STX17: variants seen among roughly 807,000 people sequenced by gnomAD.
STX17 encodes syntaxin 17, also known as syntaxin-17.
In STX17, 29 loss-of-function variants were observed where a neutral mutation model predicts 35.9. The observed-to-expected ratio is 0.81, with a 90% confidence interval of 0.60 to 1.10. The LOEUF (loss-of-function observed/expected upper bound fraction) is 1.10. Among genes scored for constraint, STX17 ranks in the 50% least tolerant of loss-of-function variants. The pLI is 0.00. For synonymous variants in STX17, 92 were observed against 118.3 expected (o/e 0.78, Z 1.44); for missense variants, 312 against 352.3 (o/e 0.89, Z 0.92).
chr9:99,948,149 C>T (rs10217692), intron 3 of STX17, among the ~76,000 whole-genome samples: 104,632 of 151,860 alleles, frequency 0.69, 36,318 homozygotes, highest in African/African-American at 0.72. Flanking sequence ...TTGCCCTATC[C>T]AATGTAGTAG....
At chr9:99,959,456 C>CTT (rs35078503) in intron 4 of STX17, among the ~76,000 whole-genome samples, 1,541 of 111,006 alleles carry the variant, frequency 0.014, 28 homozygotes, top group South Asian at 0.034. Context: ...ATGGATAAAT[C>CTT]TTTTTTTTTT....
chr9:99,955,034 T>G (rs909494096), intron 4 of STX17, among the ~76,000 whole-genome samples: 2 of 152,066 alleles, frequency 1.3e-5, no homozygotes, highest in Non-Finnish European at 2.9e-5. Flanking sequence ...TTTTAGCATA[T>G]TGCTTTCCAC....
chr9:99,909,686 A>G (rs576134375), intron 1 of STX17, among the ~76,000 whole-genome samples: 2 of 152,350 alleles, frequency 1.3e-5, no homozygotes, highest in African/African-American at 4.8e-5. Context: ...AAAAATAGTG[A>G]TAGAGGATGA....
At chr9:99,938,002 GCA>G (rs752540720) in intron 3 of STX17, 7 of 152,228 alleles carry the variant, frequency 4.6e-5, no homozygotes, top group Non-Finnish European at 7.3e-5. Flanking sequence ...CTTTTTGAGT[GCA>G]CTACTCAATG....
At chr9:99,916,430 T>TATTC (rs551222708) in intron 2 of STX17, among the ~76,000 whole-genome samples, 170 of 80,734 alleles carry the variant, frequency 2.1e-3, no homozygotes, top group Middle Eastern at 8.8e-3. Context: ...TTTATTTATT[T>TATTC]ATTCATTCAT....
At chr9:99,916,390 CATTTATTT>C (rs146484577) in intron 2 of STX17, among the ~76,000 whole-genome samples, 5,150 of 141,752 alleles carry the variant, frequency 0.036, 128 homozygotes, top group South Asian at 0.045. Flanking sequence ...GCAGAACCTC[CATTTATTT>C]ATTTATTTAT....
At position 99,919,833 on chromosome 9, in the gene STX17, G is replaced by A. The variant is rs189390412; in HGVS notation, c.123+4471G>A. Among the ~76,000 whole-genome samples the A allele has an allele frequency of 1.4e-4, 22 of 152,164 alleles. No homozygotes were observed. The South Asian group carries it at 1.9e-3, about 13-fold the overall frequency. ...GCAGTCCAGTTAAGGAAATAAGATA[G>A]GAAATAGTCAAAAAATGATAAGAGG... On this transcript the variant is annotated intron_variant, in intron 2 of 7. Transcript: ENST00000259400.
Position 99,915,073 on chromosome 9 carries a change from A to G in STX17, c.-62-105A>G, listed in dbSNP as rs1447204548. Reference sequence around the variant, plus strand: ...AAGTCACTCAAGGTCAGCATTAGAAATATTCTATTTATTGATTTAGAATAA... The same window carrying G: ...AAGTCACTCAAGGTCAGCATTAGAAGTATTCTATTTATTGATTTAGAATAA... On this transcript the variant is annotated intron_variant, in intron 1 of 7. Transcript: ENST00000259400. The G allele has an allele frequency of 4.4e-6, 3 of 686,048 alleles. No individual in the cohort carries two copies. In the African/African-American group the frequency reaches 5.6e-5, roughly 13 times the overall value. The allele number at this position is 686,048 out of a possible 1,614,324, so 42.5% of individuals were successfully genotyped here.
At chr9:99,928,943 C>A in intron 3 of STX17, 100 bp downstream of exon 3, 1 of 947,302 alleles carries the variant, frequency 1.1e-6, no homozygotes, top group Non-Finnish European at 1.6e-6. Context: ...CTTTTATACA[C>A]ATTTGTTACT....
chr9:99,967,720 G>T lies in STX17; in HGVS notation c.650G>T (p.Gly217Val). Residue 217 changes from glycine (G) to valine (V), a missense_variant, in exon 7 of 8, where the codon GGA (glycine) becomes GTA (valine). Physicochemically the swap from Gly to Val is moderately radical, Grantham distance 109. Coordinates refer to ENST00000259400, the MANE Select transcript of STX17 (RefSeq NM_017919.3). ...AGTGCTGCTGTGAATGTTGAAGAGG[G>T]AACCAAAAACTTAGGGAAGGTAAGA... ...VNSAAVNVEE[G>V]TKNLGKAAKY... The T allele has an allele frequency of 6.2e-7, 1 of 1,613,858 alleles. No homozygotes were observed.
intron 3 of STX17, among the ~76,000 whole-genome samples, chr9:99,936,021 C>G (rs1829226271): frequency 6.6e-6 from 1 of 152,158 alleles, no homozygotes; most frequent in Non-Finnish European, 1.5e-5. Context: ...TTGGAAGGCT[C>G]TGAGCTTCTT....
At chr9:99,963,232 C>A (rs1829860501) in intron 6 of STX17, among the ~76,000 whole-genome samples, 1 of 152,026 alleles carries the variant, frequency 6.6e-6, no homozygotes, top group Non-Finnish European at 1.5e-5. Context: ...CTACTAGGTA[C>A]CCTGCTCTAT....
chr9:99,967,353 TC>T, intron 6 of STX17: 1 of 201,784 alleles, frequency 5.0e-6, no homozygotes, highest in Non-Finnish European at 1.0e-5. Flanking sequence ...ATTTTTTTTT[TC>T]TGGAAAGTAG....
Position 99,973,613 on chromosome 9 carries a change from A to G in STX17, c.*4940A>G, listed in dbSNP as rs2118576605. On this transcript the variant is annotated 3_prime_UTR_variant, in exon 8 of 8. Transcript: ENST00000259400. ...TCCTGTCAATTCTCCCTTAAATGTT[A>G]GTTGCATCCATTTCTAAATATATCC... 6.6e-6 allele frequency among the ~76,000 whole-genome samples: 1 copy of G among 152,226 alleles called. No homozygotes were observed. The highest frequency in any genetic ancestry group is 2.4e-5 in the African/African-American group (1 of 41,534).
intron 2 of STX17, among the ~76,000 whole-genome samples, chr9:99,921,183 G>A (rs1398249348): frequency 6.6e-6 from 1 of 152,124 alleles, no homozygotes; most frequent in African/African-American, 2.4e-5. Flanking sequence ...TGCTTGAAAT[G>A]TAGTGTGCTT....
chr9:99,936,435 T>C (rs1010029348), intron 3 of STX17, among the ~76,000 whole-genome samples: 24 of 152,200 alleles, frequency 1.6e-4, no homozygotes, highest in African/African-American at 5.8e-4. Context: ...TGCTTAATGA[T>C]TAATGATGTT....
intron 3 of STX17, among the ~76,000 whole-genome samples, chr9:99,940,167 G>C (rs1419344585): frequency 6.6e-6 from 1 of 152,082 alleles, no homozygotes; most frequent in Non-Finnish European, 1.5e-5. Flanking sequence ...TCTCGCTCTT[G>C]TCGCCCAGGC....
At chr9:99,909,938 AAAG>A (rs1828626019) in intron 1 of STX17, among the ~76,000 whole-genome samples, 1 of 152,186 alleles carries the variant, frequency 6.6e-6, no homozygotes, top group Non-Finnish European at 1.5e-5. Context: ...AAAATTAAAA[AAAG>A]AAGAAATGCA....
chr9:99,917,591 A>G (rs1159843020), intron 2 of STX17, among the ~76,000 whole-genome samples: 2 of 152,230 alleles, frequency 1.3e-5, no homozygotes, highest in African/African-American at 4.8e-5. Flanking sequence ...TGTGCTGTGG[A>G]CACCTGGAGC....
Sources: allele counts gnomAD v4.1 joint callset (sites outside exome capture counted in the v4.1 genomes callset), GRCh38; gene constraint gnomAD v4.1.1; transcripts MANE v1.5; gene names NCBI Gene and HGNC (gene_info 2026-07-23, HGNC 2026-07-21).